Variants in DOCK4 observed in about 807,000 individuals in gnomAD.
DOCK4 encodes the protein dedicator of cytokinesis 4, also known as dedicator of cytokinesis protein 4.
DOCK4 carries 97 observed loss-of-function variants against 268.1 expected under a neutral mutation model. The observed-to-expected ratio is 0.36, with a 90% confidence interval of 0.31 to 0.43. DOCK4 has a LOEUF of 0.43. Among genes scored for constraint, DOCK4 ranks in the 20% least tolerant of loss-of-function variants. The pLI, the probability that DOCK4 is intolerant of heterozygous loss-of-function variation, is 1.00. For missense variants in DOCK4, 2,145 were observed against 2,455.7 expected (o/e 0.87, Z 2.67); for synonymous variants, 954 against 887.2 (o/e 1.08, Z -1.34).
At chr7:112,049,176 T>C (rs1054773408) in intron 1 of DOCK4, among the ~76,000 whole-genome samples, 5 of 152,208 alleles carry the variant, frequency 3.3e-5, no homozygotes, top group African/African-American at 1.2e-4. Flanking sequence ...GTCAATTGAC[T>C]GTTCTAACAA....
chr7:111,911,760 C>A (rs1053970096), intron 13 of DOCK4, among the ~76,000 whole-genome samples: 3 of 152,090 alleles, frequency 2.0e-5, no homozygotes, highest in Non-Finnish European at 4.4e-5. Context: ...TGCCCAGAGA[C>A]CAAGCTGAGG....
At chr7:112,084,592 G>A (rs1352294545) in intron 1 of DOCK4, among the ~76,000 whole-genome samples, 1 of 152,086 alleles carries the variant, frequency 6.6e-6, no homozygotes, top group African/African-American at 2.4e-5. Flanking sequence ...CTAGCAATAA[G>A]AAACAGTCAC....
intron 1 of DOCK4, among the ~76,000 whole-genome samples, chr7:112,020,647 T>C (rs577972836): frequency 6.7e-6 from 1 of 148,364 alleles, no homozygotes; most frequent in African/African-American, 2.5e-5. Context: ...AAAACTGACT[T>C]GGCTTTCTAT....
chr7:112,181,544 GCAGGAGGACTGCTTGAGCC>G (rs1349665883), intron 1 of DOCK4, among the ~76,000 whole-genome samples: 1 of 149,646 alleles, frequency 6.7e-6, no homozygotes, highest in Non-Finnish European at 1.5e-5. Flanking sequence ...GTAGGCTGAG[GCAGGAGGACTGCTTGAGCC>G]CAGGAGTTCC....
At chr7:112,029,870 C>A (rs1416834101) in intron 1 of DOCK4, among the ~76,000 whole-genome samples, 1 of 152,172 alleles carries the variant, frequency 6.6e-6, no homozygotes, top group Non-Finnish European at 1.5e-5. Context: ...TATCATGATT[C>A]ATTGTTTTTC....
intron 2 of DOCK4, among the ~76,000 whole-genome samples, chr7:112,003,198 T>C (rs779696918): frequency 3.9e-5 from 6 of 152,016 alleles, no homozygotes; most frequent in Non-Finnish European, 7.4e-5. Flanking sequence ...ATGGGCAATA[T>C]GGTGAGACTC....
At position 112,132,824 on chromosome 7, in the gene DOCK4, AC is replaced by A. The variant is rs777356818; in HGVS notation, c.37+73277del. Among the ~76,000 whole-genome samples, 218 of 152,262 alleles carry A rather than the reference AC, an allele frequency of 1.4e-3. 1 individual carries two copies. The highest frequency in any genetic ancestry group is 2.7e-3 in the Non-Finnish European group (186 of 68,018). On this transcript the variant is annotated intron_variant, in intron 1 of 52. Transcript: ENST00000428084. ...TCCTGGTTTAAACTTCTACTTGGGC[AC>A]CTGGCCCACAGCTTGACAGACCCAC...
At chr7:111,910,855 C>A (rs1282055738) in intron 13 of DOCK4, among the ~76,000 whole-genome samples, 1 of 152,138 alleles carries the variant, frequency 6.6e-6, no homozygotes, top group Non-Finnish European at 1.5e-5. Context: ...GACCCTTAAC[C>A]AAGGAAGAGT....
intron 13 of DOCK4, among the ~76,000 whole-genome samples, chr7:111,904,472 A>G (rs1488158601): frequency 6.6e-6 from 1 of 152,098 alleles, no homozygotes; most frequent in Non-Finnish European, 1.5e-5. Flanking sequence ...CAACAGGGTA[A>G]TAAGAGAAGG....
intron 1 of DOCK4, among the ~76,000 whole-genome samples, chr7:112,174,075 C>T (rs571187450): frequency 7.9e-5 from 12 of 151,254 alleles, no homozygotes; most frequent in Admixed American, 5.9e-4. Context: ...TCTCCACCTG[C>T]GTCCTGTTCT....
chr7:112,163,321 C>A (rs574207800), intron 1 of DOCK4, among the ~76,000 whole-genome samples: 1 of 152,204 alleles, frequency 6.6e-6, no homozygotes, highest in African/African-American at 2.4e-5. Context: ...GCATGCTCCA[C>A]TCTCATCAAT....
intron 42 of DOCK4, among the ~76,000 whole-genome samples, chr7:111,751,481 G>A (rs950810531): frequency 1.3e-5 from 2 of 151,418 alleles, no homozygotes; most frequent in African/African-American, 4.9e-5. Flanking sequence ...CACTTGTTCT[G>A]TTGCCCAGGC....
chr7:111,814,129 G>A (rs1475412193), intron 27 of DOCK4, among the ~76,000 whole-genome samples: 4 of 152,110 alleles, frequency 2.6e-5, no homozygotes, highest in East Asian at 1.9e-4. Context: ...AGACTATCAC[G>A]CCAAATGTCA....
At chr7:112,066,515 TATATATACACACACAC>T (rs1256862357) in intron 1 of DOCK4, among the ~76,000 whole-genome samples, 1 of 144,134 alleles carries the variant, frequency 6.9e-6, no homozygotes, top group African/African-American at 2.8e-5. Context: ...TCTCTCTCTA[TATATATACACACACAC>T]ATATATATAC....
At chr7:111,964,217 T>C (rs1797194244) in intron 8 of DOCK4, among the ~76,000 whole-genome samples, 1 of 129,274 alleles carries the variant, frequency 7.7e-6, no homozygotes, top group Admixed American at 7.2e-5. Context: ...AGAATGATTT[T>C]GACGAGCTGA....
chr7:111,791,070 T>TTATATATA (rs35033313), intron 30 of DOCK4, among the ~76,000 whole-genome samples: 999 of 95,402 alleles, frequency 0.01, 21 homozygotes, highest in African/African-American at 0.038. Flanking sequence ...AAAAAAAAAA[T>TTATATATA]TATATATATA....
chr7:111,740,900 C>T (rs912560345), intron 47 of DOCK4, among the ~76,000 whole-genome samples, 194 bp downstream of exon 47: 2 of 152,056 alleles, frequency 1.3e-5, no homozygotes, highest in East Asian at 1.9e-4. Context: ...CGTCTTAAAG[C>T]GATGGGGCAG....
chr7:112,205,993 G>A, intron 1 of DOCK4, 109 bp downstream of exon 1: 2 of 1,263,100 alleles, frequency 1.6e-6, no homozygotes, highest in East Asian at 5.1e-5. Context: ...GCGATGCCAG[G>A]ATTAGGCATT....
At chr7:112,120,864 T>C (rs62474351) in intron 1 of DOCK4, among the ~76,000 whole-genome samples, 5,059 of 152,308 alleles carry the variant, frequency 0.033, 140 homozygotes, top group South Asian at 0.12. Flanking sequence ...GGAGAAACAG[T>C]TGGACATTCC....
Sources: gnomAD v4.1 joint callset for allele counts (sites outside exome capture counted in the v4.1 genomes callset) on GRCh38, gnomAD v4.1.1 for gene constraint, MANE v1.5 for transcripts, NCBI Gene and HGNC (gene_info 2026-07-23, HGNC 2026-07-21) for gene names.